Variants in PARP2 observed in about 807,000 individuals in gnomAD.
PARP2 encodes the protein poly [ADP-ribose] polymerase 2.
A neutral mutation model predicts 77.8 loss-of-function variants in PARP2; 57 were observed. That is an observed-to-expected ratio of 0.73 (90% CI 0.59 to 0.91). The LOEUF (loss-of-function observed/expected upper bound fraction) is 0.91, where lower values mean the gene tolerates loss of function less well. Among genes scored for constraint, PARP2 ranks in the 40% least tolerant of loss-of-function variants. PARP2 has a pLI of 0.00. For missense variants in PARP2, 651 were observed against 689.0 expected (o/e 0.94, Z 0.62); for synonymous variants, 226 against 242.6 (o/e 0.93, Z 0.64).
In PARP2 at chr14:20,350,595, T is replaced by C; in HGVS notation, c.394T>C (p.Phe132Leu). 1 of 1,609,176 alleles carries C rather than the reference T, an allele frequency of 6.2e-7. No individual in the cohort carries two copies. The change falls in exon 5 of 16, where the codon TTC becomes CTC. Residue 132 changes from phenylalanine to leucine, a missense_variant. Physicochemically the swap from Phe to Leu is conservative, Grantham distance 22. Coordinates refer to ENST00000429687, the MANE Select transcript of PARP2 (RefSeq NM_001042618.2). ...ATTAGAAGATGATGCCCAGAGGAACTTCAGTGTTTGGATGAGATGGGGCCG... is the reference window on the plus strand; with the variant it reads ...ATTAGAAGATGATGCCCAGAGGAACCTCAGTGTTTGGATGAGATGGGGCCG... ...QLLEDDAQRN[F>L]SVWMRWGRVG...
At chr14:20,349,003 A>G (rs1184816589) in intron 4 of PARP2, among the ~76,000 whole-genome samples, 1 of 151,720 alleles carries the variant, frequency 6.6e-6, no homozygotes, top group East Asian at 1.9e-4. Context: ...CTGGGCAACA[A>G]GAGCAAAACT....
At position 20,349,855 on chromosome 14, in the gene PARP2, C is replaced by T. The variant is rs1883895123; in HGVS notation, c.325-671C>T. On this transcript the variant is annotated intron_variant, in intron 4 of 15. Coordinates refer to ENST00000429687, the MANE Select transcript of PARP2 (RefSeq NM_001042618.2). ...ATATCCAGGGCTCGGCCATACAACA[C>T]CAGCTGCTATGCCTTATCATGGACT... 2.0e-5 allele frequency among the ~76,000 whole-genome samples: 3 copies of T among 152,128 alleles called. No individual in the cohort carries two copies. In the East Asian group the frequency reaches 5.8e-4, roughly 29 times the overall value.
intron 14 of PARP2, 53 bp downstream of exon 14, chr14:20,357,202 C>G (rs781406706): frequency 4.1e-6 from 6 of 1,459,768 alleles, no homozygotes; most frequent in Non-Finnish European, 5.8e-6. Flanking sequence ...AGTTTTTTTC[C>G]GATGAGAAAA....
chr14:20,352,182 T>G, intron 6 of PARP2, 63 bp from the exon 7 acceptor site: 3 of 856,490 alleles, frequency 3.5e-6, no homozygotes, highest in Non-Finnish European at 2.0e-6. Flanking sequence ...TTTTCTGTCT[T>G]GTAAGTCCAT....
At chr14:20,355,217 A>G (rs1884101669) in intron 9 of PARP2, 1 of 317,014 alleles carries the variant, frequency 3.2e-6, no homozygotes, top group Non-Finnish European at 5.7e-6. Context: ...CCACCCAAGT[A>G]AAACACCTTC....
chr14:20,345,836 C>T (rs1883697608), intron 3 of PARP2, among the ~76,000 whole-genome samples: 1 of 151,502 alleles, frequency 6.6e-6, no homozygotes, highest in African/African-American at 2.4e-5. Context: ...CGTCACATGG[C>T]AAAAGCAGGG....
At chr14:20,343,717 G>A (rs778083332) in intron 1 of PARP2, 30 bp downstream of exon 1, 2 of 1,604,886 alleles carry the variant, frequency 1.2e-6, no homozygotes. Context: ...GGGACGGCAT[G>A]CGGGGGGCGG....
chr14:20,354,914 A>G lies in PARP2; in HGVS notation c.869A>G (p.Asn290Ser), dbSNP rs559797488. Residue 290 changes from asparagine (N) to serine (S), a missense_variant, in exon 9 of 16, where the codon AAT (asparagine) becomes AGT (serine). Physicochemically the swap from Asn to Ser is conservative, Grantham distance 46. Transcript: ENST00000429687. ...QHGRALMEAC[N>S]EFYTRIPHDF... ...GGACGAGCTCTCATGGAAGCATGCA[A>G]TGAATTCTACACCAGGATTCCGCAT... is the stretch of plus-strand genomic sequence containing the variant. 1.2e-5 allele frequency: 19 copies of G among 1,613,970 alleles called. No homozygotes were observed. The highest frequency in any genetic ancestry group is 3.3e-4 in the Middle Eastern group (2 of 6,062).
At position 20,357,059 on chromosome 14, in the gene PARP2, A is replaced by G. The variant is rs2138952448; in HGVS notation, c.1338A>G (p.Lys446=). 6.2e-7 allele frequency: 1 copy of G among 1,607,080 alleles called. No individual in the cohort carries two copies. Among genetic ancestry groups the G allele is most frequent in the African/African-American group, 1.3e-5 (1 of 74,900 alleles). ...TCATGTATATATTTCAGTTTGGGAA[A>G]GGAATCTACTTTGCTGACATGTCTT... ...EAPITGYMFG[K]GIYFADMSSK... Residue 446 remains lysine, a synonymous_variant, in exon 14 of 16, where the codon AAA becomes AAG. Transcript: ENST00000429687.
intron 3 of PARP2, among the ~76,000 whole-genome samples, chr14:20,346,363 G>A (rs1309965579): frequency 1.5e-5 from 2 of 129,470 alleles, no homozygotes; most frequent in East Asian, 2.3e-4. Context: ...AGTCTCACTC[G>A]GTCACCCAGG....
At chr14:20,344,579 G>C (rs191575512) in intron 1 of PARP2, among the ~76,000 whole-genome samples, 16 of 152,314 alleles carry the variant, frequency 1.1e-4, no homozygotes, top group African/African-American at 3.6e-4. Context: ...TTGGGAGGCC[G>C]AGGAGGGCAG....
intron 4 of PARP2, among the ~76,000 whole-genome samples, chr14:20,350,037 C>G (rs1264147445): frequency 1.3e-5 from 2 of 152,220 alleles, no homozygotes; most frequent in Non-Finnish European, 1.5e-5. Context: ...TTGCCCTGCT[C>G]TCAGCTCATT....
In PARP2 at chr14:20,345,101, GT is replaced by G. The variant is rs759358300; in HGVS notation, c.202+15del. ...ACAAGCAAGATGGTATGCCAGGAAG[GT>G]CATGGGCCAGCAAAAGGGTCTCTGG... On this transcript the variant is annotated intron_variant, in intron 2 of 15. Coordinates refer to ENST00000429687, the MANE Select transcript of PARP2 (RefSeq NM_001042618.2). 6.2e-6 allele frequency: 10 copies of G among 1,613,946 alleles called. No homozygotes were observed. The South Asian group carries it at 1.1e-4, about 18-fold the overall frequency.
intron 3 of PARP2, among the ~76,000 whole-genome samples, chr14:20,345,823 G>T (rs1260566774): frequency 6.6e-6 from 1 of 152,022 alleles, no homozygotes; most frequent in Non-Finnish European, 1.5e-5. Context: ...GCGGGAATAG[G>T]CACGTCACAT....
rs767933818 is a variant in PARP2, at chr14:20,345,345, A to G, written c.203-49A>G. The G allele has an allele frequency of 1.2e-5, 18 of 1,469,928 alleles. No individual in the cohort carries two copies. The Admixed American group carries it at 2.8e-4, about 23-fold the overall frequency. 91.1% of individuals were successfully genotyped at this position (1,469,928 alleles called of 1,614,324 possible). On this transcript the variant is annotated intron_variant, in intron 2 of 15. Coordinates refer to ENST00000429687, the MANE Select transcript of PARP2 (RefSeq NM_001042618.2). ...CCTGACAAGTTTCTGTTTTACCACA[A>G]CAGCTGTTTTTGATTCCCATAAAGT...
chr14:20,353,407 AT>A (rs979559535), intron 7 of PARP2, among the ~76,000 whole-genome samples: 2 of 150,100 alleles, frequency 1.3e-5, no homozygotes, highest in Non-Finnish European at 3.0e-5. Flanking sequence ...CGCCCGGCTA[AT>A]TTTTTTTTGT....
In PARP2 at chr14:20,353,944, T is replaced by C. The variant is rs1884049172; in HGVS notation, c.601-141T>C. ...TCTGTACTGAACCTGTACAGCCTTTTTTTCCTTGCTTCTCATTATTCCCTA... is the reference window on the plus strand; with the variant it reads ...TCTGTACTGAACCTGTACAGCCTTTCTTTCCTTGCTTCTCATTATTCCCTA... On this transcript the variant is annotated intron_variant, in intron 7 of 15. Coordinates refer to ENST00000429687, the MANE Select transcript of PARP2 (RefSeq NM_001042618.2). The C allele has an allele frequency of 1.1e-5, 7 of 661,762 alleles. No homozygotes were observed. The African/African-American group carries it at 1.3e-4, about 12-fold the overall frequency. 41.0% of individuals were successfully genotyped at this position (661,762 alleles called of 1,614,324 possible).
rs1345610895 is a variant in PARP2 at position 20,355,985 on chromosome 14, T to A, written c.1055T>A (p.Leu352Gln). ...CCATTGGACCAACACTATAGAAACC[T>A]ACATTGTGCCTTGCGCCCCCTTGAC... ...EHPLDQHYRNLHCALRPLDHE... is the reference protein window; with the variant it reads ...EHPLDQHYRNQHCALRPLDHE... The change falls in exon 11 of 16, where the codon CTA becomes CAA. Residue 352 changes from leucine to glutamine, a missense_variant. Leu to Gln is a moderately radical substitution (Grantham distance 113). Coordinates refer to ENST00000429687, the MANE Select transcript of PARP2 (RefSeq NM_001042618.2). The A allele has an allele frequency of 6.2e-7, 1 of 1,614,104 alleles. No homozygotes were observed. The highest frequency in any genetic ancestry group is 2.2e-5 in the East Asian group (1 of 44,888).
intron 7 of PARP2, chr14:20,352,558 C>CTTTTTTTTTTT (rs374239476): frequency 0.033 from 7,186 of 214,884 alleles, 254 homozygotes; most frequent in Middle Eastern, 0.046. Context: ...GATTTTTTTT[C>CTTTTTTTTTTT]TTTTTTTTTT....
Sources: gnomAD v4.1 joint callset for allele counts (sites outside exome capture counted in the v4.1 genomes callset) on GRCh38, gnomAD v4.1.1 for gene constraint, MANE v1.5 for transcripts, NCBI Gene and HGNC (gene_info 2026-07-23, HGNC 2026-07-21) for gene names.